The following C1orf21 variants were observed in gnomAD, a reference collection of about 807,000 sequenced individuals.
C1orf21 encodes the protein chromosome 1 open reading frame 21.
A neutral mutation model predicts 18.7 loss-of-function variants in C1orf21; 3 were observed. The ratio of observed to expected loss-of-function variants is 0.16; its 90% CI spans 0.07 to 0.42. The LOEUF is 0.42. C1orf21 is among the 10% of genes least tolerant of loss of function. The probability of loss-of-function intolerance (pLI) is 0.99; values close to 1 mark genes in which losing one functional copy is unlikely to be tolerated. For missense variants in C1orf21, 104 were observed against 143.6 expected, an observed-to-expected ratio of 0.72 and a Z score of 1.41; for synonymous variants, 41 against 46.4, an observed-to-expected ratio of 0.88 and a Z score of 0.47.
chr1:184,416,318 C>A (rs1160654327), intron 1 of C1orf21, among the ~76,000 whole-genome samples: 1 of 151,826 alleles, frequency 6.6e-6, no homozygotes, highest in Non-Finnish European at 1.5e-5. Context: ...ATGATTTTAA[C>A]CTATAAGAAT....
At chr1:184,474,401 T>TA (rs933020891) in intron 1 of C1orf21, among the ~76,000 whole-genome samples, 21 of 152,072 alleles carry the variant, frequency 1.4e-4, no homozygotes, top group African/African-American at 3.9e-4. Flanking sequence ...AGACATCCTT[T>TA]AAAAAAAAGA....
chr1:184,490,199 A>C (rs1268273963), intron 2 of C1orf21, among the ~76,000 whole-genome samples: 1 of 152,214 alleles, frequency 6.6e-6, no homozygotes, highest in Admixed American at 6.5e-5. Flanking sequence ...CTCGTTGACT[A>C]CCTTGCATGA....
intron 3 of C1orf21, chr1:184,566,772 G>C (rs536740349): frequency 7.2e-6 from 3 of 416,262 alleles, no homozygotes; most frequent in Non-Finnish European, 1.5e-5. Context: ...GGCTGGTGTT[G>C]TGATGCTGCT....
chr1:184,544,133 G>T (rs780073884), intron 3 of C1orf21, among the ~76,000 whole-genome samples: 3 of 152,104 alleles, frequency 2.0e-5, no homozygotes, highest in African/African-American at 7.2e-5. Flanking sequence ...TCAAGGGCAC[G>T]CCTCTTATTA....
chr1:184,525,306 G>A (rs61825202), intron 3 of C1orf21, among the ~76,000 whole-genome samples: 36,434 of 151,892 alleles, frequency 0.24, 4,630 homozygotes, highest in African/African-American at 0.33. Flanking sequence ...ATCATAAAAT[G>A]TATATAGTGT....
At chr1:184,579,395 T>G (rs1659243364) in intron 3 of C1orf21, among the ~76,000 whole-genome samples, 4 of 127,134 alleles carry the variant, frequency 3.1e-5, no homozygotes, top group East Asian at 2.3e-4. Flanking sequence ...TTTTTTTTTT[T>G]TTTTTTTTTT....
chr1:184,387,315 CA>C lies in C1orf21; in HGVS notation c.-177del, dbSNP rs1180772799. ...GGAGGAAGAAAAAAGACGAGGAGGA[CA>C]GGGGCGGGGGGCGGGAGGCTTGCCA... On this transcript the variant is annotated 5_prime_UTR_variant, in exon 1 of 6. Transcript: ENST00000235307. This position sits in a 1 kb window ranked among gnomAD's most constrained non-coding sequence, Gnocchi z 5.6. 2.0e-5 allele frequency: 3 copies of C among 150,088 alleles called. No homozygotes were observed. The highest frequency in any genetic ancestry group is 6.6e-5 in the Admixed American group (1 of 15,042). 9.3% of individuals were successfully genotyped at this position (150,088 alleles called of 1,614,324 possible).
chr1:184,436,547 T>A (rs1311341146), intron 1 of C1orf21, among the ~76,000 whole-genome samples: 1 of 151,962 alleles, frequency 6.6e-6, no homozygotes, highest in African/African-American at 2.4e-5. Context: ...GCCCTTGACA[T>A]AGCAACATGC....
chr1:184,509,849 A>T (rs1658118971), intron 3 of C1orf21, among the ~76,000 whole-genome samples: 1 of 152,160 alleles, frequency 6.6e-6, no homozygotes, highest in African/African-American at 2.4e-5. Context: ...ACAACCAAGG[A>T]AGTATGGCAT....
At chr1:184,434,862 T>A (rs1199036530) in intron 1 of C1orf21, among the ~76,000 whole-genome samples, 1 of 152,180 alleles carries the variant, frequency 6.6e-6, no homozygotes, top group African/African-American at 2.4e-5. Flanking sequence ...TGCAGGAGTT[T>A]GTTGAAAGTT....
intron 1 of C1orf21, among the ~76,000 whole-genome samples, chr1:184,388,451 G>C (rs1317285519): frequency 6.6e-6 from 1 of 152,160 alleles, no homozygotes; most frequent in Non-Finnish European, 1.5e-5. Flanking sequence ...TTTTAAAATA[G>C]ATAGTGCTTG....
chr1:184,397,325 G>C (rs190978632), intron 1 of C1orf21, among the ~76,000 whole-genome samples: 1 of 152,210 alleles, frequency 6.6e-6, no homozygotes, highest in Non-Finnish European at 1.5e-5. Context: ...AGTGGCTCAC[G>C]CCTGTAATCC....
intron 1 of C1orf21, among the ~76,000 whole-genome samples, chr1:184,461,455 A>T (rs1277047944): frequency 6.6e-6 from 1 of 152,124 alleles, no homozygotes; most frequent in African/African-American, 2.4e-5. Context: ...CCTCCCAAAG[A>T]TGTGTCTTAT....
intron 3 of C1orf21, among the ~76,000 whole-genome samples, chr1:184,568,826 C>G (rs1036460811): frequency 1.3e-5 from 2 of 152,180 alleles, no homozygotes; most frequent in Non-Finnish European, 2.9e-5. Flanking sequence ...GTCATTCTGC[C>G]CTTTCTGTGC....
At chr1:184,460,864 T>C (rs1457237576) in intron 1 of C1orf21, among the ~76,000 whole-genome samples, 1 of 151,986 alleles carries the variant, frequency 6.6e-6, no homozygotes, top group Non-Finnish European at 1.5e-5. Flanking sequence ...AGGCAAGTGG[T>C]AAAGTGACAG....
intron 5 of C1orf21, among the ~76,000 whole-genome samples, chr1:184,601,295 C>G (rs1659581435): frequency 6.6e-6 from 1 of 152,152 alleles, no homozygotes; most frequent in Admixed American, 6.5e-5. Flanking sequence ...TTGATGCAGC[C>G]TTTGCATTTA....
intron 2 of C1orf21, among the ~76,000 whole-genome samples, chr1:184,480,155 G>A (rs192232594): frequency 6.6e-6 from 1 of 152,284 alleles, no homozygotes; most frequent in East Asian, 1.9e-4. Flanking sequence ...CGCAGAATCA[G>A]AGCAGATTTC....
At chr1:184,407,756 C>A (rs891997737) in intron 1 of C1orf21, among the ~76,000 whole-genome samples, 2 of 152,274 alleles carry the variant, frequency 1.3e-5, no homozygotes, top group Admixed American at 6.5e-5. Flanking sequence ...AGGTCTCTAG[C>A]AAATTATTCA....
intron 1 of C1orf21, among the ~76,000 whole-genome samples, chr1:184,441,224 G>A (rs1446940501): frequency 2.0e-5 from 3 of 152,004 alleles, no homozygotes; most frequent in East Asian, 3.9e-4. Context: ...TGTTTCTCCC[G>A]TTTCTTATTT....
Sources: gnomAD v4.1 joint callset for allele counts (sites outside exome capture counted in the v4.1 genomes callset) on GRCh38, gnomAD v4.1.1 for gene constraint, Gnocchi (gnomAD v3.1) non-coding constraint, MANE v1.5 for transcripts, NCBI Gene and HGNC (gene_info 2026-07-23, HGNC 2026-07-21) for gene names.